COMTD1: variants seen among roughly 807,000 people sequenced by gnomAD.
COMTD1 encodes the protein catechol O-methyltransferase domain-containing protein 1.
A neutral mutation model predicts 33.6 loss-of-function variants in COMTD1; 35 were observed. The ratio of observed to expected loss-of-function variants is 1.04; its 90% confidence interval spans 0.80 to 1.38. The LOEUF (loss-of-function observed/expected upper bound fraction) is 1.38. Among genes scored for constraint, COMTD1 ranks in the 40% most tolerant of loss-of-function variants. The probability of loss-of-function intolerance (pLI) is 0.00; values close to 1 mark genes in which losing one functional copy is unlikely to be tolerated. For missense variants in COMTD1, 370 were observed against 363.4 expected (o/e 1.02, Z -0.15); for synonymous variants, 160 against 176.8 (o/e 0.91, Z 0.75).
Position 75,235,702 on chromosome 10 carries a change from G to A in COMTD1, c.136C>T (p.Leu46=). The A allele has an allele frequency of 6.3e-7, 1 of 1,599,032 alleles. No homozygotes were observed. The highest frequency in any genetic ancestry group is 8.5e-7 in the Non-Finnish European group (1 of 1,174,290). ...AGGCGGCTGTCCTCGGGGGGAAGCA[G>A]GCACTGCTCTCGCCGGCCTCGCCAT... The part of the protein sequence containing the change: ...PPWRGRREQC[L]LPPEDSRLWQ... The change falls in exon 2 of 7, where the codon CTG becomes TTG. Residue 46 remains leucine, a synonymous_variant. Transcript: ENST00000372538.
At position 75,234,433 on chromosome 10, in the gene COMTD1, G is replaced by A. The variant is rs1012672639; in HGVS notation, c.636+177C>T. The A allele has an allele frequency of 7.9e-6, 9 of 1,141,358 alleles. No homozygotes were observed. In the African/African-American group the frequency reaches 1.4e-4, roughly 18 times the overall value. The allele number at this position is 1,141,358 out of a possible 1,614,324, so 70.7% of individuals were successfully genotyped here. A position where few individuals can be genotyped will look rare whatever the true frequency, so the allele number is the denominator to read the frequency against. ...GAGGTGCCCGGGCAGGAGGTGACCA[G>A]AGCTGGAGACAGAACCAAAGCGGAG... On this transcript the variant is annotated intron_variant, in intron 6 of 6. Transcript: ENST00000372538.
chr10:75,235,872 G>T lies in COMTD1; in HGVS notation c.57C>A (p.Ala19=), dbSNP rs1249486655. 9 of 1,521,414 alleles carry T rather than the reference G, an allele frequency of 5.9e-6. No homozygotes were observed. The highest frequency in any genetic ancestry group is 7.9e-6 in the Non-Finnish European group (9 of 1,140,664). 94.2% of individuals were successfully genotyped at this position (1,521,414 alleles called of 1,614,324 possible). The change falls in exon 1 of 7, where the codon GCC becomes GCA. Residue 19 remains alanine (A), a synonymous_variant. Transcript: ENST00000372538. ...SVPAALALGS[A]ALGAAFATGL... ...CAGTGGCGAAGGCGGCGCCCAGTGC[G>T]GCTGAGCCCAGGGCCAGCGCGGCGG...
At chr10:75,235,238 C>T (rs1842173301) in intron 3 of COMTD1, 29 bp downstream of exon 3, 3 of 1,487,876 alleles carry the variant, frequency 2.0e-6, no homozygotes, top group Non-Finnish European at 1.8e-6. Context: ...AAACCTCGGC[C>T]CTCCGGGATC....
rs191772552 is a variant in COMTD1, at chr10:75,233,869, G to A, written c.*204C>T. 1 of 1,347,148 alleles carries A rather than the reference G, an allele frequency of 7.4e-7. No homozygotes were observed. Among genetic ancestry groups the A allele is most frequent in the East Asian group, 2.6e-5 (1 of 38,938 alleles). The allele number at this position is 1,347,148 out of a possible 1,614,324, so 83.4% of individuals were successfully genotyped here. The stretch of plus-strand genomic sequence containing the variant: ...GTTGGGCCACAGACCTGGCGCCAGG[G>A]AGGGGACGAATCTCAAGGCCCCTTT... On this transcript the variant is annotated 3_prime_UTR_variant, in exon 7 of 7. Coordinates refer to ENST00000372538, the MANE Select transcript of COMTD1 (RefSeq NM_144589.4).
At chr10:75,234,364 G>A (rs1842155490) in intron 6 of COMTD1, 139 bp from the exon 7 acceptor site, 1 of 1,061,290 alleles carries the variant, frequency 9.4e-7, no homozygotes, top group Non-Finnish European at 1.3e-6. Flanking sequence ...CGGAAGGCGG[G>A]GTCTCGGAGG....
intron 6 of COMTD1, 119 bp downstream of exon 6, chr10:75,234,490 AG>A (rs1182643633): frequency 7.2e-6 from 10 of 1,397,594 alleles, no homozygotes; most frequent in East Asian, 2.5e-5. Context: ...GGAGCCCCGG[AG>A]GGGGTGTAGC....
intron 1 of COMTD1, 38 bp downstream of exon 1, chr10:75,235,797 G>GGGGGGGCC: frequency 2.6e-6 from 4 of 1,538,494 alleles, no homozygotes; most frequent in Non-Finnish European, 3.5e-6. Flanking sequence ...CCTACTCTGC[G>GGGGGGGCC]CCCGCCCACC....
In COMTD1 at chr10:75,235,816, G is replaced by A. The variant is rs1461438689; in HGVS notation, c.94+19C>T. 1 of 618,512 alleles carries A rather than the reference G, an allele frequency of 1.6e-6. No homozygotes were observed. The highest frequency in any genetic ancestry group is 2.7e-6 in the Non-Finnish European group (1 of 369,586). The allele number at this position is 618,512 out of a possible 1,614,324, so 38.3% of individuals were successfully genotyped here. A position where few individuals can be genotyped will look rare whatever the true frequency, so the allele number is the denominator to read the frequency against. Reference sequence around the variant, plus strand: ...CTCTGCGCCCGCCCACCCGCCCGCCGGGACCAGGTCCTGCTCACCCAGGAA... The same window carrying A: ...CTCTGCGCCCGCCCACCCGCCCGCCAGGACCAGGTCCTGCTCACCCAGGAA... On this transcript the variant is annotated intron_variant, in intron 1 of 6. Transcript: ENST00000372538.
intron 5 of COMTD1, 48 bp from the exon 6 acceptor site, chr10:75,234,791 G>T (rs1356289944): frequency 1.3e-5 from 20 of 1,538,786 alleles, no homozygotes; most frequent in Non-Finnish European, 1.7e-5. Context: ...CGGCCCCGGC[G>T]GCCCTGAGGC....
At chr10:75,234,858 C>G in intron 5 of COMTD1, 80 bp downstream of exon 5, 1 of 1,530,258 alleles carries the variant, frequency 6.5e-7, no homozygotes, top group African/African-American at 1.4e-5. Flanking sequence ...ACCTGCCCGG[C>G]AGGCCCAGTC....
In COMTD1 at chr10:75,235,034, C is replaced by A. The variant is rs529866737; in HGVS notation, c.447+26G>T. ...TCAGCCGTTGCGCCCCCGCCTGGGG[C>A]TGCAGAGCTAGGCGCGGGCGCTCAC... On this transcript the variant is annotated intron_variant, in intron 4 of 6. Coordinates refer to ENST00000372538, the MANE Select transcript of COMTD1 (RefSeq NM_144589.4). 3.6e-4 allele frequency: 532 copies of A among 1,475,506 alleles called. 10 individuals are homozygous for A. In the South Asian group the frequency reaches 6.7e-3, roughly 18 times the overall value. The allele number at this position is 1,475,506 out of a possible 1,614,324, so 91.4% of individuals were successfully genotyped here. A position where few individuals can be genotyped will look rare whatever the true frequency, so the allele number is the denominator to read the frequency against.
Position 75,235,737 on chromosome 10 carries a change from C to T in COMTD1, c.101G>A (p.Arg34Gln), listed in dbSNP as rs748093164. 5 of 1,601,146 alleles carry T rather than the reference C, an allele frequency of 3.1e-6. No homozygotes were observed. The Admixed American group carries it at 5.1e-5, about 16-fold the overall frequency. The change falls in exon 2 of 7, where the codon CGG becomes CAG. Residue 34 changes from arginine (R) to glutamine (Q), a missense_variant. Coordinates refer to ENST00000372538, the MANE Select transcript of COMTD1 (RefSeq NM_144589.4). ...TCGCCGGCCTCGCCATGGGGGGCAC[C>T]GCCTCCCTGACGGGGAGAGGGTGTT... is the stretch of plus-strand genomic sequence containing the variant. Reference protein sequence around the residue: ...AFATGLFLGRRCPPWRGRREQ... With the variant: ...AFATGLFLGRQCPPWRGRREQ...
chr10:75,235,087 C>CG lies in COMTD1; in HGVS notation c.419dup (p.Glu141GlyfsTer160), dbSNP rs1001442998. On this transcript the variant is annotated frameshift_variant, in exon 4 of 7. Coordinates refer to ENST00000372538, the MANE Select transcript of COMTD1 (RefSeq NM_144589.4). LOFTEE classifies it high-confidence loss of function. ...GCCTCCACAGGGGCCGTCCCAGCTCCGGGGGCTGCGCGTCCACCTCGCAGG... is the reference window on the plus strand; with the variant it reads ...GCCTCCACAGGGGCCGTCCCAGCTCCGGGGGGCTGCGCGTCCACCTCGCAGG... 15 of 1,411,360 alleles carry CG rather than the reference C, an allele frequency of 1.1e-5. No homozygotes were observed. The African/African-American group carries it at 2.1e-4, about 20-fold the overall frequency. 87.4% of individuals were successfully genotyped at this position (1,411,360 alleles called of 1,614,324 possible).
At chr10:75,234,418 G>T in intron 6 of COMTD1, 192 bp downstream of exon 6, 3 of 1,067,674 alleles carry the variant, frequency 2.8e-6, no homozygotes, top group Non-Finnish European at 2.6e-6. Context: ...GAGGTGCCCG[G>T]GCAGGAGGTG....
rs1842186799 is a variant in COMTD1, at chr10:75,235,884, G to C, written c.45C>G (p.Ala15=). 1 of 1,499,536 alleles carries C rather than the reference G, an allele frequency of 6.7e-7. No individual in the cohort carries two copies. The highest frequency in any genetic ancestry group is 8.8e-7 in the Non-Finnish European group (1 of 1,132,320). The allele number at this position is 1,499,536 out of a possible 1,614,324, so 92.9% of individuals were successfully genotyped here. ...CGGCGCCCAGTGCGGCTGAGCCCAGGGCCAGCGCGGCGGGCACGGAGAGCC... is the reference window on the plus strand; with the variant it reads ...CGGCGCCCAGTGCGGCTGAGCCCAGCGCCAGCGCGGCGGGCACGGAGAGCC... ...VPRLSVPAAL[A]LGSAALGAAF... The change falls in exon 1 of 7, where the codon GCC becomes GCG. Residue 15 remains alanine, a synonymous_variant. Coordinates refer to ENST00000372538, the MANE Select transcript of COMTD1 (RefSeq NM_144589.4).
In COMTD1 at chr10:75,235,896, G is replaced by C; in HGVS notation, c.33C>G (p.Pro11=). ...CGGCTGAGCCCAGGGCCAGCGCGGC[G>C]GGCACGGAGAGCCGGGGCACCGGCT... is the stretch of plus-strand genomic sequence containing the variant. MTQPVPRLSV[P]AALALGSAAL... is the part of the protein sequence containing the mutation. Residue 11 remains proline (P), a synonymous_variant, in exon 1 of 7, where the codon CCC becomes CCG. Coordinates refer to ENST00000372538, the MANE Select transcript of COMTD1 (RefSeq NM_144589.4). 6.7e-7 allele frequency: 1 copy of C among 1,488,890 alleles called. No individual in the cohort carries two copies. Among genetic ancestry groups the C allele is most frequent in the South Asian group, 1.3e-5 (1 of 77,906 alleles). The allele number at this position is 1,488,890 out of a possible 1,614,324, so 92.2% of individuals were successfully genotyped here.
rs755097203 is a variant in COMTD1 at position 75,235,375 on chromosome 10, G to C, written c.223-3C>G. ...CCCTGCGGCTGCTCCAGGGTCAGCT[G>C]CGTGAAAGGAGAGGGTGGCACCAGC... On this transcript the variant is annotated splice_polypyrimidine_tract_variant and splice_region_variant and intron_variant, in intron 2 of 6. Coordinates refer to ENST00000372538, the MANE Select transcript of COMTD1 (RefSeq NM_144589.4). 2 of 1,555,938 alleles carry C rather than the reference G, an allele frequency of 1.3e-6. No homozygotes were observed. The highest frequency in any genetic ancestry group is 2.8e-5 in the African/African-American group (2 of 72,710).
chr10:75,234,574 A>C (rs1842159798), intron 6 of COMTD1, 36 bp downstream of exon 6: 1 of 1,533,208 alleles, frequency 6.5e-7, no homozygotes. Flanking sequence ...CCGGCCCGAC[A>C]GGGTGCTTTC....
rs777955867 is a variant in COMTD1 at position 75,235,638 on chromosome 10, G to A, written c.200C>T (p.Pro67Leu). ...YLLSRSMREH[P>L]ALRSLRLLTL... The stretch of plus-strand genomic sequence containing the variant: ...GACCAGCCTCAGGCTTCGCAGCGCC[G>A]GGTGCTCCCGCATGGAGCGGCTCAG... Residue 67 changes from proline (P) to leucine (L), a missense_variant, in exon 2 of 7, where the codon CCG becomes CTG. By Grantham distance (98) the Pro-to-Leu change is moderately conservative. Transcript: ENST00000372538. 14 of 1,594,104 alleles carry A rather than the reference G, an allele frequency of 8.8e-6. No individual in the cohort carries two copies. The Admixed American group carries it at 2.2e-4, about 25-fold the overall frequency.
Sources: gnomAD v4.1 joint callset for allele counts on GRCh38, gnomAD v4.1.1 for gene constraint, MANE v1.5 for transcripts, NCBI Gene and HGNC (gene_info 2026-07-23, HGNC 2026-07-21) for gene names.